SIMC1: variants seen among roughly 807,000 people sequenced by gnomAD.
SIMC1 encodes SUMO-interacting motif-containing protein 1.
Under a neutral mutation model 82.3 loss-of-function variants are expected in SIMC1, and 55 were observed. The observed-to-expected ratio is 0.67, with a 90% CI of 0.54 to 0.84. The LOEUF is 0.84. SIMC1 is among the 40% of genes least tolerant of loss of function. The probability of loss-of-function intolerance (pLI) is 0.00; values close to 1 mark genes in which losing one functional copy is unlikely to be tolerated. For missense variants in SIMC1, 915 were observed against 1,107.2 expected, an observed-to-expected ratio of 0.83 and a Z score of 2.46; for synonymous variants, 353 against 426.3, an observed-to-expected ratio of 0.83 and a Z score of 2.12.
At chr5:176,281,893 TGAG>T (rs1435278163) in intron 1 of SIMC1, among the ~76,000 whole-genome samples, 3 of 152,180 alleles carry the variant, frequency 2.0e-5, no homozygotes, top group Non-Finnish European at 2.9e-5. Context: ...GGGACCAACT[TGAG>T]GAGGCAGTCT....
At chr5:176,262,299 A>G (rs1762042153) in intron 1 of SIMC1, among the ~76,000 whole-genome samples, 1 of 126,786 alleles carries the variant, frequency 7.9e-6, no homozygotes, top group Non-Finnish European at 1.7e-5. Flanking sequence ...AAAAAAAAAA[A>G]GCCTTCCAGC....
intron 1 of SIMC1, among the ~76,000 whole-genome samples, chr5:176,271,452 C>T (rs1019747927): frequency 2.6e-5 from 4 of 152,020 alleles, no homozygotes; most frequent in South Asian, 2.1e-4. Context: ...CAGAACTGGA[C>T]GACATTCTGT....
At chr5:176,280,015 T>A (rs1189290804) in intron 1 of SIMC1, among the ~76,000 whole-genome samples, 2 of 152,060 alleles carry the variant, frequency 1.3e-5, no homozygotes, top group Admixed American at 1.3e-4. Flanking sequence ...CTGAGTTCAA[T>A]TCCTGGGTAT....
At chr5:176,307,244 G>A (rs1252325601) in intron 4 of SIMC1, among the ~76,000 whole-genome samples, 1 of 152,190 alleles carries the variant, frequency 6.6e-6, no homozygotes, top group Non-Finnish European at 1.5e-5. Context: ...AACAGTGAGG[G>A]AGTGTGAAAT....
At chr5:176,269,486 A>G (rs574383018) in intron 1 of SIMC1, among the ~76,000 whole-genome samples, 2 of 152,376 alleles carry the variant, frequency 1.3e-5, no homozygotes, top group South Asian at 4.1e-4. Flanking sequence ...TAAAATATTA[A>G]TAGCCCTATG....
chr5:176,344,182 A>G (rs1327544909), intron 9 of SIMC1, among the ~76,000 whole-genome samples: 1 of 152,318 alleles, frequency 6.6e-6, no homozygotes, highest in East Asian at 1.9e-4. Context: ...GAGCCAGGAT[A>G]CGGTCAAATA....
chr5:176,274,638 G>A (rs1224836238), intron 1 of SIMC1, among the ~76,000 whole-genome samples: 2 of 151,740 alleles, frequency 1.3e-5, no homozygotes, highest in East Asian at 3.9e-4. Context: ...TATGGTTTTA[G>A]GTCTAACATT....
chr5:176,325,696 TAATA>T (rs1203012177), intron 7 of SIMC1, among the ~76,000 whole-genome samples: 2 of 151,884 alleles, frequency 1.3e-5, no homozygotes, highest in African/African-American at 4.8e-5. Context: ...AAAAAATAAA[TAATA>T]AATTAATTAC....
In SIMC1 at chr5:176,340,091, A is replaced by T. The variant is rs370333848; in HGVS notation, c.2413+2945A>T. Among the ~76,000 whole-genome samples the T allele has an allele frequency of 3.9e-5, 6 of 152,364 alleles. No individual in the cohort carries two copies. In the East Asian group the frequency reaches 7.7e-4, roughly 20 times the overall value. ...TTTCCTTTTGTTTAGGGGAACTCTC[A>T]GCATGGAGGAAGAAAGGAAAAGAGA... On this transcript the variant is annotated intron_variant, in intron 9 of 9. Transcript: ENST00000429602.
At chr5:176,311,321 A>G (rs1764654091) in intron 4 of SIMC1, among the ~76,000 whole-genome samples, 1 of 152,152 alleles carries the variant, frequency 6.6e-6, no homozygotes, top group African/African-American at 2.4e-5. Flanking sequence ...CATTGCAGCC[A>G]TGACCTCTTG....
intron 4 of SIMC1, among the ~76,000 whole-genome samples, chr5:176,311,451 C>T (rs1472596685): frequency 1.3e-5 from 2 of 151,654 alleles, no homozygotes; most frequent in East Asian, 1.9e-4. Flanking sequence ...ACTATGTTTC[C>T]GGGGCTGGTC....
intron 1 of SIMC1, among the ~76,000 whole-genome samples, chr5:176,276,572 T>C (rs1266017229): frequency 6.8e-6 from 1 of 148,142 alleles, no homozygotes; most frequent in Non-Finnish European, 1.5e-5. Flanking sequence ...GCATTAGGTA[T>C]ATCTCCCAAT....
At chr5:176,245,793 G>T (rs1181017760) in intron 1 of SIMC1, among the ~76,000 whole-genome samples, 1 of 152,096 alleles carries the variant, frequency 6.6e-6, no homozygotes, top group Non-Finnish European at 1.5e-5. Context: ...AAATGAGGAG[G>T]ATTACATAAT....
Position 176,281,017 on chromosome 5 carries a change from G to A in SIMC1, c.130-8637G>A, listed in dbSNP as rs1235989185. ...GGGAAGTTCTCCTGGATGATATCCT[G>A]CAGAGTGTTTTCCAACTTGGTTCCA... On this transcript the variant is annotated intron_variant, in intron 1 of 9. Coordinates refer to ENST00000429602, the MANE Select transcript of SIMC1 (RefSeq NM_001308195.2). Among the ~76,000 whole-genome samples the A allele has an allele frequency of 3.3e-5, 5 of 152,340 alleles. No homozygotes were observed. The South Asian group carries it at 1.0e-3, about 32-fold the overall frequency.
intron 7 of SIMC1, among the ~76,000 whole-genome samples, chr5:176,335,273 CTTTTT>C (rs1225021593): frequency 1.0e-5 from 1 of 98,670 alleles, no homozygotes; most frequent in African/African-American, 3.9e-5. Flanking sequence ...TTCTTTGTAT[CTTTTT>C]TTTTTTTTTT....
chr5:176,323,437 G>T (rs1471129404), intron 6 of SIMC1, among the ~76,000 whole-genome samples: 3 of 152,208 alleles, frequency 2.0e-5, no homozygotes, highest in Non-Finnish European at 4.4e-5. Context: ...AACAACAATA[G>T]TAGGTTGCTA....
intron 1 of SIMC1, among the ~76,000 whole-genome samples, chr5:176,258,355 C>T (rs1451716434): frequency 3.3e-5 from 5 of 151,034 alleles, no homozygotes; most frequent in Non-Finnish European, 5.9e-5. Flanking sequence ...GTAGCTTCAA[C>T]CAGATGCTAA....
At chr5:176,245,505 A>C (rs1275913238) in intron 1 of SIMC1, among the ~76,000 whole-genome samples, 1 of 152,204 alleles carries the variant, frequency 6.6e-6, no homozygotes, top group African/African-American at 2.4e-5. Flanking sequence ...CTAGGAAACT[A>C]ATATAGCCTC....
intron 4 of SIMC1, among the ~76,000 whole-genome samples, chr5:176,302,437 A>T (rs1304223983): frequency 6.6e-6 from 1 of 152,218 alleles, no homozygotes; most frequent in Non-Finnish European, 1.5e-5. Flanking sequence ...GCCATATGTG[A>T]AAAGCCCACA....
Sources: gnomAD v4.1 joint callset for allele counts (sites outside exome capture counted in the v4.1 genomes callset) on GRCh38, gnomAD v4.1.1 for gene constraint, MANE v1.5 for transcripts, NCBI Gene and HGNC (gene_info 2026-07-23, HGNC 2026-07-21) for gene names.